GRB10: variants seen among roughly 807,000 people sequenced by gnomAD.
The protein encoded by GRB10 is growth factor receptor-bound protein 10.
Under a neutral mutation model 80.9 loss-of-function variants are expected in GRB10, and 20 were observed. The observed-to-expected ratio is 0.25, with a 90% CI of 0.17 to 0.36. The LOEUF (loss-of-function observed/expected upper bound fraction) is 0.36, where lower values mean the gene tolerates loss of function less well. GRB10 is among the 10% of genes least tolerant of loss of function. GRB10 has a pLI of 1.00. For missense variants in GRB10, 548 were observed against 747.7 expected (o/e 0.73, Z 3.12); for synonymous variants, 291 against 291.5 (o/e 1.00, Z 0.02).
chr7:50,679,309 G>A (rs775800991), intron 5 of GRB10, among the ~76,000 whole-genome samples: 3 of 152,142 alleles, frequency 2.0e-5, no homozygotes, highest in East Asian at 1.9e-4. Context: ...AAATCATCAC[G>A]AGTAAATGTC....
At chr7:50,746,954 A>C in intron 3 of GRB10, among the ~76,000 whole-genome samples, 1 of 152,062 alleles carries the variant, frequency 6.6e-6, no homozygotes. Flanking sequence ...GGAGGAAGCA[A>C]AGTGACATTT....
intron 3 of GRB10, among the ~76,000 whole-genome samples, chr7:50,741,933 ATT>A (rs1288563134): frequency 6.6e-6 from 1 of 152,146 alleles, no homozygotes; most frequent in African/African-American, 2.4e-5. Flanking sequence ...AAATACAATG[ATT>A]TTTAATCACA....
At chr7:50,666,243 G>A (rs1381920382) in intron 7 of GRB10, among the ~76,000 whole-genome samples, 4 of 152,194 alleles carry the variant, frequency 2.6e-5, no homozygotes, top group South Asian at 2.1e-4. Context: ...CTAAGCTCAC[G>A]AGAGCAGGGC....
At chr7:50,689,114 C>CT (rs2153656364) in intron 5 of GRB10, among the ~76,000 whole-genome samples, 1 of 152,288 alleles carries the variant, frequency 6.6e-6, no homozygotes, top group East Asian at 1.9e-4. Context: ...TCTAGAGTCA[C>CT]TGGGAGTGCC....
intron 7 of GRB10, among the ~76,000 whole-genome samples, chr7:50,640,650 G>C (rs531456651): frequency 3.1e-4 from 47 of 152,222 alleles, no homozygotes; most frequent in Non-Finnish European, 5.0e-4. Flanking sequence ...CCTATGAGGA[G>C]AGCCAGCATT....
chr7:50,640,309 T>C (rs1178946945), intron 7 of GRB10, among the ~76,000 whole-genome samples: 2 of 152,212 alleles, frequency 1.3e-5, no homozygotes, highest in Non-Finnish European at 2.9e-5. Context: ...CCTACTTCAA[T>C]TGTGTGGTCA....
chr7:50,692,296 A>T (rs1311735703), intron 5 of GRB10, among the ~76,000 whole-genome samples: 2 of 152,168 alleles, frequency 1.3e-5, no homozygotes, highest in African/African-American at 4.8e-5. Flanking sequence ...GTGTACACAC[A>T]CACACACACA....
chr7:50,783,434 C>CCCCACA (rs1279292309), upstream of GRB10, among the ~76,000 whole-genome samples: 3 of 37,584 alleles, frequency 8.0e-5, no homozygotes, highest in Admixed American at 8.8e-4. Flanking sequence ...CCCACACACA[C>CCCCACA]CTCACACACA....
At chr7:50,757,463 A>G (rs1165848273) in intron 2 of GRB10, among the ~76,000 whole-genome samples, 1 of 152,232 alleles carries the variant, frequency 6.6e-6, no homozygotes, top group East Asian at 1.9e-4. Context: ...GCTAATGTTT[A>G]AAGGGGATGC....
chr7:50,765,753 CTTAA>C (rs10582511), intron 2 of GRB10, among the ~76,000 whole-genome samples: 95,510 of 151,576 alleles, frequency 0.63, 32,417 homozygotes, highest in Middle Eastern at 0.87. Flanking sequence ...AATAAGTACA[CTTAA>C]TTAAATAAAT....
At chr7:50,598,902 C>G (rs2047100933) in intron 17 of GRB10, among the ~76,000 whole-genome samples, 2 of 151,786 alleles carry the variant, frequency 1.3e-5, no homozygotes, top group Admixed American at 6.6e-5. Flanking sequence ...GGGATCGATG[C>G]CTGGCACAGC....
chr7:50,770,520 G>A (rs1187042402), intron 2 of GRB10, among the ~76,000 whole-genome samples: 1 of 152,198 alleles, frequency 6.6e-6, no homozygotes, highest in African/African-American at 2.4e-5. Flanking sequence ...ACCCTGGTAT[G>A]AGTGACCTCA....
Position 50,606,136 on chromosome 7 carries a change from C to T in GRB10, c.1272+201G>A, listed in dbSNP as rs932836793. Among the ~76,000 whole-genome samples, 9 of 152,258 alleles carry T rather than the reference C, an allele frequency of 5.9e-5. No homozygotes were observed. In the South Asian group the frequency reaches 1.0e-3, roughly 18 times the overall value. The stretch of plus-strand genomic sequence containing the variant: ...GGGAGATGCAGGGACGGGAGAAGAA[C>T]GGCAGAGGAATTCACTCCCTGTCGT... On this transcript the variant is annotated intron_variant, in intron 14 of 18. Transcript: ENST00000401949.
intron 15 of GRB10, chr7:50,604,944 C>G (rs2048271417): frequency 6.1e-6 from 2 of 326,480 alleles, no homozygotes; most frequent in Non-Finnish European, 1.1e-5. Flanking sequence ...ATGTGAGCAC[C>G]TGCTGGCCCC....
At chr7:50,707,467 C>T (rs1039360356) in intron 4 of GRB10, among the ~76,000 whole-genome samples, 2 of 152,226 alleles carry the variant, frequency 1.3e-5, no homozygotes, top group Non-Finnish European at 2.9e-5. Flanking sequence ...ATTCTCACAG[C>T]CTGCCAACGT....
At chr7:50,600,471 C>G (rs952735824) in intron 17 of GRB10, among the ~76,000 whole-genome samples, 8 of 151,940 alleles carry the variant, frequency 5.3e-5, no homozygotes, top group Non-Finnish European at 7.4e-5. Flanking sequence ...ATAAATAAAC[C>G]CAAGTGCATC....
intron 7 of GRB10, among the ~76,000 whole-genome samples, chr7:50,668,135 T>TG (rs2059996882): frequency 6.6e-6 from 1 of 152,090 alleles, no homozygotes. Flanking sequence ...TTCTAAGTTT[T>TG]GATAGTGCCA....
intron 7 of GRB10, among the ~76,000 whole-genome samples, chr7:50,647,641 TGCTG>T (rs1480986605): frequency 6.6e-6 from 1 of 152,230 alleles, no homozygotes; most frequent in Non-Finnish European, 1.5e-5. Context: ...AGCAAAGGGC[TGCTG>T]GCTAAGAAGG....
intron 3 of GRB10, among the ~76,000 whole-genome samples, chr7:50,742,269 G>GCACACA (rs1328460498): frequency 3.1e-5 from 1 of 32,640 alleles, no homozygotes; most frequent in Non-Finnish European, 3.7e-4. Flanking sequence ...GCACGCGCGC[G>GCACACA]CGCACACACA....
Sources: gnomAD v4.1 joint callset for allele counts (sites outside exome capture counted in the v4.1 genomes callset) on GRCh38, gnomAD v4.1.1 for gene constraint, MANE v1.5 for transcripts, NCBI Gene and HGNC (gene_info 2026-07-23, HGNC 2026-07-21) for gene names.